FRMD4A: variants seen among roughly 807,000 people sequenced by gnomAD.
FRMD4A encodes the protein FERM domain containing 4A.
A neutral mutation model predicts 129.1 loss-of-function variants in FRMD4A; 29 were observed. The ratio of observed to expected loss-of-function variants is 0.22; its 90% CI spans 0.17 to 0.31. The LOEUF (loss-of-function observed/expected upper bound fraction) is 0.31. Among genes scored for constraint, FRMD4A ranks in the 10% least tolerant of loss-of-function variants. FRMD4A has a pLI of 1.00. For missense variants in FRMD4A, 1,272 were observed against 1,375.8 expected (o/e 0.92, Z 1.19); for synonymous variants, 634 against 571.6 (o/e 1.11, Z -1.56).
At chr10:14,036,923 T>G (rs1199067440) in intron 2 of FRMD4A, among the ~76,000 whole-genome samples, 3 of 152,158 alleles carry the variant, frequency 2.0e-5, no homozygotes, top group East Asian at 1.9e-4. Context: ...ACTGAAAAGC[T>G]CTGCTTTTGA....
At chr10:14,173,052 A>G (rs1446452363) in intron 2 of FRMD4A, among the ~76,000 whole-genome samples, 1 of 152,216 alleles carries the variant, frequency 6.6e-6, no homozygotes, top group African/African-American at 2.4e-5. Flanking sequence ...CAATGACAAG[A>G]GTCTATTTGT....
chr10:14,199,690 T>C (rs117415331), intron 2 of FRMD4A, among the ~76,000 whole-genome samples: 6,968 of 152,220 alleles, frequency 0.046, 250 homozygotes, highest in Non-Finnish European at 0.066. Flanking sequence ...GTGCCTGTTA[T>C]TTTAGACATT....
At chr10:13,904,809 G>C (rs911050686) in intron 2 of FRMD4A, among the ~76,000 whole-genome samples, 1 of 151,800 alleles carries the variant, frequency 6.6e-6, no homozygotes, top group Non-Finnish European at 1.5e-5. Flanking sequence ...CCTGGCCAAC[G>C]TGGCGAAACC....
intron 2 of FRMD4A, among the ~76,000 whole-genome samples, chr10:14,249,542 C>T (rs1326644445): frequency 1.3e-5 from 2 of 152,180 alleles, no homozygotes; most frequent in African/African-American, 4.8e-5. Flanking sequence ...ATTCTGCAGC[C>T]GCTTCCCTTT....
chr10:13,900,687 A>G (rs193085259), intron 2 of FRMD4A, among the ~76,000 whole-genome samples: 1 of 152,210 alleles, frequency 6.6e-6, no homozygotes, highest in South Asian at 2.1e-4. Context: ...AATTGAGGTC[A>G]GGAGTTTGAG....
intron 2 of FRMD4A, among the ~76,000 whole-genome samples, chr10:14,002,398 T>C (rs1165230342): frequency 6.6e-6 from 1 of 152,186 alleles, no homozygotes; most frequent in African/African-American, 2.4e-5. Context: ...CTTTCTCCGC[T>C]TGTACTGACA....
At chr10:13,835,288 T>C (rs1046852406) in intron 3 of FRMD4A, among the ~76,000 whole-genome samples, 1 of 152,218 alleles carries the variant, frequency 6.6e-6, no homozygotes, top group Non-Finnish European at 1.5e-5. Context: ...ACGGTTGTCC[T>C]CAAGAATTAG....
intron 2 of FRMD4A, among the ~76,000 whole-genome samples, chr10:14,001,736 C>A (rs1181738705): frequency 6.6e-6 from 1 of 152,166 alleles, no homozygotes; most frequent in Non-Finnish European, 1.5e-5. Context: ...AGTCTGTGTT[C>A]TTTTTCTCCA....
chr10:14,120,504 G>A (rs1838445729), intron 2 of FRMD4A, among the ~76,000 whole-genome samples: 1 of 152,212 alleles, frequency 6.6e-6, no homozygotes, highest in Admixed American at 6.5e-5. Flanking sequence ...ACACATGGAT[G>A]TATAAATCAA....
chr10:13,764,187 G>GTGTA (rs755795350), intron 6 of FRMD4A, among the ~76,000 whole-genome samples: 23 of 136,900 alleles, frequency 1.7e-4, no homozygotes, highest in Admixed American at 2.2e-4. Flanking sequence ...AGATTTCCGT[G>GTGTA]TGTGTGTGTG....
chr10:13,884,144 T>TCACCCACACACACACTCCCACACACA (rs773933481), intron 2 of FRMD4A, among the ~76,000 whole-genome samples: 1 of 105,098 alleles, frequency 9.5e-6, no homozygotes, highest in African/African-American at 4.1e-5. Context: ...TCACACACAC[T>TCACCCACACACACACTCCCACACACA]CTCACACACT....
chr10:13,669,700 G>A (rs756941021), intron 17 of FRMD4A, among the ~76,000 whole-genome samples: 13 of 152,212 alleles, frequency 8.5e-5, no homozygotes, highest in Non-Finnish European at 1.3e-4. Context: ...GGGCCTGAGG[G>A]TATACCTGGC....
At chr10:14,213,148 G>A (rs540988954) in intron 2 of FRMD4A, among the ~76,000 whole-genome samples, 72 of 152,292 alleles carry the variant, frequency 4.7e-4, no homozygotes, top group African/African-American at 1.7e-3. Context: ...GGAGGCTGAG[G>A]CAGGAGGATC....
intron 6 of FRMD4A, among the ~76,000 whole-genome samples, chr10:13,768,075 C>T (rs1468092518): frequency 2.5e-5 from 3 of 117,954 alleles, no homozygotes; most frequent in Non-Finnish European, 5.7e-5. Context: ...TGACCGTCTG[C>T]AGGTATGTGT....
chr10:13,996,160 A>G (rs935027185), intron 2 of FRMD4A, among the ~76,000 whole-genome samples: 1 of 152,194 alleles, frequency 6.6e-6, no homozygotes, highest in African/African-American at 2.4e-5. Context: ...TTATAAGGGC[A>G]CTAACTGTCT....
At chr10:13,864,823 C>T (rs534856253) in intron 2 of FRMD4A, among the ~76,000 whole-genome samples, 2 of 152,198 alleles carry the variant, frequency 1.3e-5, no homozygotes, top group Non-Finnish European at 1.5e-5. Flanking sequence ...GTGATCCACC[C>T]GCCTTGGCCT....
At chr10:13,750,396 T>C (rs1292831463) in intron 8 of FRMD4A, among the ~76,000 whole-genome samples, 1 of 151,822 alleles carries the variant, frequency 6.6e-6, no homozygotes, top group Non-Finnish European at 1.5e-5. Context: ...GATATGGTCC[T>C]TAACCAGAAG....
At chr10:13,975,245 C>T (rs2095537728) in intron 2 of FRMD4A, among the ~76,000 whole-genome samples, 1 of 150,494 alleles carries the variant, frequency 6.6e-6, no homozygotes, top group Middle Eastern at 3.4e-3. Context: ...GTGTGCCTAT[C>T]TCTGAGCCTC....
Position 13,796,501 on chromosome 10 carries a change from A to G in FRMD4A, c.294T>C (p.Cys98=). 1 of 1,514,352 alleles carries G rather than the reference A, an allele frequency of 6.6e-7. No individual in the cohort carries two copies. The highest frequency in any genetic ancestry group is 9.2e-7 in the Non-Finnish European group (1 of 1,089,048). The allele number at this position is 1,514,352 out of a possible 1,614,324, so 93.8% of individuals were successfully genotyped here. A position where few individuals can be genotyped will look rare whatever the true frequency, so the allele number is the denominator to read the frequency against. The change falls in exon 5 of 25, where the codon TGT becomes TGC. Residue 98 remains cysteine (C), a synonymous_variant. Transcript: ENST00000357447. The stretch of plus-strand genomic sequence containing the variant: ...TAGACACCAGGTGTACATACCTGAC[A>G]CAAAAGTATAAAACCACGGGTCCTG... ...KKSGPVVLYF[C]VRFYIESISY...
Sources: gnomAD v4.1 joint callset for allele counts (sites outside exome capture counted in the v4.1 genomes callset) on GRCh38, gnomAD v4.1.1 for gene constraint, MANE v1.5 for transcripts, NCBI Gene and HGNC (gene_info 2026-07-23, HGNC 2026-07-21) for gene names.